Variants in CYB5R2 observed in about 807,000 individuals in gnomAD.
CYB5R2 encodes the protein NADH-cytochrome b5 reductase 2.
In CYB5R2, 35 loss-of-function variants were observed where a neutral mutation model predicts 29.8. The observed-to-expected ratio is 1.17, with a 90% CI of 0.90 to 1.56. CYB5R2 has a LOEUF of 1.56. Ranked by LOEUF, CYB5R2 falls within the 40% of genes most tolerant of loss-of-function variation. The pLI, the probability that CYB5R2 is intolerant of heterozygous loss-of-function variation, is 0.00. For synonymous variants in CYB5R2, 169 were observed against 130.6 expected (o/e 1.29, Z -2.01); for missense variants, 419 against 346.7 (o/e 1.21, Z -1.66).
Position 7,666,554 on chromosome 11 carries a change from G to A in CYB5R2, c.559-4C>T. ...TGACCAAGATATCCTCCTCTGTCTA[G>A]AAAAGAAGCAACACTGAAAAAGCCC... On this transcript the variant is annotated splice_region_variant and splice_polypyrimidine_tract_variant and intron_variant, in intron 7 of 8. Coordinates refer to ENST00000299498, the MANE Select transcript of CYB5R2 (RefSeq NM_016229.5). The A allele has an allele frequency of 6.2e-7, 1 of 1,610,036 alleles. No individual in the cohort carries two copies. The highest frequency in any genetic ancestry group is 8.5e-7 in the Non-Finnish European group (1 of 1,176,494).
rs1185260650 is a variant in CYB5R2, at chr11:7,665,490, G to T, written c.715C>A (p.Pro239Thr). Reference sequence around the variant, plus strand: ...AGGATGAGCGTGGACTTCGCTGGAGGAGGAAGGTGCTCCTTGATCATGTCG... The same window carrying T: ...AGGATGAGCGTGGACTTCGCTGGAGTAGGAAGGTGCTCCTTGATCATGTCG... Reference protein sequence around the residue: ...TADMIKEHLPPPAKSTLILVC... With the variant: ...TADMIKEHLPTPAKSTLILVC... Residue 239 changes from proline (P) to threonine (T), a missense_variant, in exon 9 of 9, where the codon CCT becomes ACT. Transcript: ENST00000299498. 8 of 1,613,958 alleles carry T rather than the reference G, an allele frequency of 5.0e-6. No individual in the cohort carries two copies. The highest frequency in any genetic ancestry group is 2.2e-5 in the East Asian group (1 of 44,880).
chr11:7,665,987 G>C (rs1230585081), intron 8 of CYB5R2: 31 of 1,361,472 alleles, frequency 2.3e-5, no homozygotes, highest in Non-Finnish European at 3.1e-5. Flanking sequence ...AGGCGCGCCT[G>C]TGGGGTGCTC....
chr11:7,668,589 T>C, intron 5 of CYB5R2, 28 bp from the exon 6 acceptor site: 1 of 1,571,178 alleles, frequency 6.4e-7, no homozygotes, highest in Non-Finnish European at 8.8e-7. Flanking sequence ...GCTTATGACC[T>C]CTGCAGTTCT....
chr11:7,672,622 G>GCACACACACA (rs57207415), intron 2 of CYB5R2, 99 bp from the exon 3 acceptor site: 34,475 of 1,235,234 alleles, frequency 0.028, 243 homozygotes, highest in Middle Eastern at 0.07. Context: ...CGCTATTCCA[G>GCACACACACA]CACACACACA....
At chr11:7,669,785 C>G in intron 3 of CYB5R2, 54 bp from the exon 4 acceptor site, 2 of 1,310,498 alleles carry the variant, frequency 1.5e-6, no homozygotes, top group Non-Finnish European at 2.2e-6. Flanking sequence ...TAAATAAGGC[C>G]CAGGAATAAA....
chr11:7,673,377 C>T, intron 1 of CYB5R2, 42 bp downstream of exon 1: 10 of 999,784 alleles, frequency 1.0e-5, no homozygotes, highest in Non-Finnish European at 1.1e-5. Flanking sequence ...CCTGGGCACT[C>T]AACTGCCAGA....
Position 7,672,480 on chromosome 11 carries a change from G to A in CYB5R2, c.122C>T (p.Ser41Leu), listed in dbSNP as rs907447269. The A allele has an allele frequency of 1.4e-5, 22 of 1,614,090 alleles. No homozygotes were observed. Among genetic ancestry groups the A allele is most frequent in the African/African-American group, 4.0e-5 (3 of 74,946 alleles). Reference sequence around the variant, plus strand: ...AGGAAGCCCTAAGACATGGTCCGGCGAAGGCAGTCCAAAGCGGAACCTCCG... The same window carrying A: ...AGGAAGCCCTAAGACATGGTCCGGCAAAGGCAGTCCAAAGCGGAACCTCCG... ...NTRRFRFGLP[S>L]PDHVLGLPVG... Residue 41 changes from serine to leucine, a missense_variant, in exon 3 of 9, where the codon TCG becomes TTG. Coordinates refer to ENST00000299498, the MANE Select transcript of CYB5R2 (RefSeq NM_016229.5).
At chr11:7,673,960 G>A (rs1424326678), upstream of CYB5R2, 2 of 1,011,908 alleles carry the variant, frequency 2.0e-6, no homozygotes, top group Non-Finnish European at 2.4e-6. Flanking sequence ...ACGAGCCGCT[G>A]GCTCTGGGTC....
intron 7 of CYB5R2, chr11:7,666,774 T>G: frequency 4.7e-6 from 2 of 428,254 alleles, no homozygotes; most frequent in Non-Finnish European, 8.6e-6. Flanking sequence ...CTCCATGGGA[T>G]GTAGGTTCCC....
In CYB5R2 at chr11:7,665,461, C is replaced by CA. The variant is rs1855061407; in HGVS notation, c.743dup (p.Cys249ValfsTer14). ...TCTGGATTAGTGGTGGCGGGCCACA[C>CA]ACCAGGATGAGCGTGGACTTCGCTG... On this transcript the variant is annotated frameshift_variant, in exon 9 of 9. Transcript: ENST00000299498. LOFTEE classifies it high-confidence loss of function. The CA allele has an allele frequency of 6.2e-7, 1 of 1,613,930 alleles. No individual in the cohort carries two copies. Among genetic ancestry groups the CA allele is most frequent in the South Asian group, 1.1e-5 (1 of 90,992 alleles).
intron 3 of CYB5R2, chr11:7,671,521 C>G (rs1325149046): frequency 2.0e-5 from 3 of 152,294 alleles, no homozygotes; most frequent in African/African-American, 7.2e-5. Flanking sequence ...ACCTGCCTGA[C>G]AGGCCGAGCA....
chr11:7,673,003 C>T, intron 1 of CYB5R2, 112 bp from the exon 2 acceptor site: 1 of 1,067,404 alleles, frequency 9.4e-7, no homozygotes, highest in Non-Finnish European at 1.4e-6. Context: ...TGAGCTCTGC[C>T]TGCAGGAAAT....
intron 7 of CYB5R2, 102 bp downstream of exon 7, chr11:7,667,626 G>T: frequency 1.8e-6 from 2 of 1,109,878 alleles, no homozygotes. Context: ...ACAGATGCAG[G>T]CACCCAAGCA....
rs556520141 is a variant in CYB5R2, at chr11:7,665,476, G to C, written c.729C>G (p.Ser243=). ...GCGGGCCACACACCAGGATGAGCGT[G>C]GACTTCGCTGGAGGAGGAAGGTGCT... ...IKEHLPPPAK[S]TLILVCGPPP... The change falls in exon 9 of 9, where the codon TCC becomes TCG. Residue 243 remains serine, a synonymous_variant. Transcript: ENST00000299498. 7 of 1,614,018 alleles carry C rather than the reference G, an allele frequency of 4.3e-6. No homozygotes were observed. The South Asian group carries it at 7.7e-5, about 18-fold the overall frequency.
chr11:7,669,133 G>C, intron 5 of CYB5R2, 72 bp downstream of exon 5: 2 of 1,578,160 alleles, frequency 1.3e-6, no homozygotes, highest in Admixed American at 1.7e-5. Context: ...TCTGAGGAGT[G>C]TACGAGAACA....
At chr11:7,667,854 C>G in intron 6 of CYB5R2, 41 bp from the exon 7 acceptor site, 2 of 1,525,906 alleles carry the variant, frequency 1.3e-6, no homozygotes, top group Non-Finnish European at 1.8e-6. Context: ...CTCCCTGTCT[C>G]TGAAGCCCAC....
At chr11:7,673,273 C>G in intron 1 of CYB5R2, 146 bp downstream of exon 1, 1 of 740,944 alleles carries the variant, frequency 1.3e-6, no homozygotes, top group Non-Finnish European at 1.8e-6. Flanking sequence ...GGCCCAGTCC[C>G]TAAAGACAGA....
chr11:7,665,662 G>T (rs1590857843), intron 8 of CYB5R2, 116 bp from the exon 9 acceptor site: 1 of 1,253,654 alleles, frequency 8.0e-7, no homozygotes, highest in Non-Finnish European at 1.1e-6. Context: ...CTCTACAAAG[G>T]CTTAGAAGTC....
chr11:7,665,372 T>G lies in CYB5R2; in HGVS notation c.*2A>C. On this transcript the variant is annotated 3_prime_UTR_variant, in exon 9 of 9. Transcript: ENST00000299498. ...TGCAAAATTGCTGAGCACGTGGAGG[T>G]GTTAGTAGGTGAAAATCATGTCCTG... The G allele has an allele frequency of 6.9e-7, 1 of 1,447,282 alleles. No homozygotes were observed. The allele number at this position is 1,447,282 out of a possible 1,614,324, so 89.7% of individuals were successfully genotyped here. A position where few individuals can be genotyped will look rare whatever the true frequency, so the allele number is the denominator to read the frequency against.
Sources: gnomAD v4.1 joint callset for allele counts on GRCh38, gnomAD v4.1.1 for gene constraint, MANE v1.5 for transcripts, NCBI Gene and HGNC (gene_info 2026-07-23, HGNC 2026-07-21) for gene names.